The following SLC14A2 variants were observed in gnomAD, a reference collection of about 807,000 sequenced individuals.
The protein encoded by SLC14A2 is urea transporter 2.
In SLC14A2, 91 loss-of-function variants were observed where a neutral mutation model predicts 104.6. That is an observed-to-expected ratio of 0.87 (90% confidence interval 0.73 to 1.04). The LOEUF (loss-of-function observed/expected upper bound fraction) is 1.04. SLC14A2 is among the 50% of genes least tolerant of loss of function. The pLI is 0.00. For missense variants in SLC14A2, 1,189 were observed against 1,156.0 expected (o/e 1.03, Z -0.41); for synonymous variants, 476 against 466.4 (o/e 1.02, Z -0.27).
At chr18:45,402,371 A>G (rs2086105648) in intron 1 of SLC14A2, among the ~76,000 whole-genome samples, 1 of 152,252 alleles carries the variant, frequency 6.6e-6, no homozygotes, top group South Asian at 2.1e-4. Context: ...GTTTCATAAA[A>G]GAACACAAAA....
At chr18:45,435,472 C>T (rs139346396) in intron 1 of SLC14A2, 34 of 152,242 alleles carry the variant, frequency 2.2e-4, no homozygotes, top group African/African-American at 7.9e-4. Context: ...ATTATAATAT[C>T]ACACACACCA....
At chr18:45,264,729 C>T (rs917440396) in intron 1 of SLC14A2, among the ~76,000 whole-genome samples, 2 of 152,104 alleles carry the variant, frequency 1.3e-5, no homozygotes, top group African/African-American at 2.4e-5. Flanking sequence ...ATGGAGGAAA[C>T]GGCCTCCATG....
At chr18:45,447,404 C>T (rs114564671) in intron 1 of SLC14A2, 2 of 152,104 alleles carry the variant, frequency 1.3e-5, no homozygotes, top group Admixed American at 1.3e-4. Flanking sequence ...CAAAACAATT[C>T]AGTGCACTAC....
intron 1 of SLC14A2, among the ~76,000 whole-genome samples, chr18:45,390,129 A>T (rs1348864177): frequency 5.3e-5 from 8 of 152,228 alleles, no homozygotes. Flanking sequence ...GGGAATGCTT[A>T]TTCTGCCTGC....
At chr18:45,326,811 G>A (rs115916128) in intron 1 of SLC14A2, among the ~76,000 whole-genome samples, 1 of 152,194 alleles carries the variant, frequency 6.6e-6, no homozygotes, top group Non-Finnish European at 1.5e-5. Flanking sequence ...CTGTCCAGGA[G>A]TAGGAAGCCT....
intron 2 of SLC14A2, chr18:45,527,873 C>T (rs1568260427): frequency 6.6e-6 from 1 of 152,136 alleles, no homozygotes; most frequent in Non-Finnish European, 1.5e-5. Flanking sequence ...ATTCTTGTGA[C>T]CAAATCAACA....
At chr18:45,492,000 G>A (rs1399930085) in intron 2 of SLC14A2, 1 of 152,224 alleles carries the variant, frequency 6.6e-6, no homozygotes, top group African/African-American at 2.4e-5. Context: ...GGGCTAGGAT[G>A]GTGGCTCTGC....
intron 1 of SLC14A2, among the ~76,000 whole-genome samples, chr18:45,392,962 A>G (rs1404063078): frequency 6.6e-6 from 1 of 152,214 alleles, no homozygotes; most frequent in East Asian, 1.9e-4. Context: ...CATATTGTTT[A>G]ATGTCAGTTT....
chr18:45,363,093 G>A (rs1036450584), intron 1 of SLC14A2, among the ~76,000 whole-genome samples: 14 of 152,090 alleles, frequency 9.2e-5, no homozygotes, highest in Non-Finnish European at 1.6e-4. Flanking sequence ...AATCAAGAGC[G>A]TTGTATTTCC....
intron 1 of SLC14A2, among the ~76,000 whole-genome samples, chr18:45,444,508 A>T (rs554782840): frequency 2.3e-4 from 35 of 152,320 alleles, no homozygotes; most frequent in South Asian, 4.1e-4. Flanking sequence ...GAAGGGGGAA[A>T]ATAAAGAAGA....
chr18:45,632,505 C>G (rs375606979), intron 5 of SLC14A2, 27 bp downstream of exon 5: 2 of 1,610,612 alleles, frequency 1.2e-6, no homozygotes, highest in Non-Finnish European at 1.7e-6. Context: ...TTTCTGCTCA[C>G]AGCTCCATGG....
intron 1 of SLC14A2, among the ~76,000 whole-genome samples, chr18:45,437,042 C>A (rs1485965527): frequency 6.6e-6 from 1 of 152,216 alleles, no homozygotes; most frequent in East Asian, 1.9e-4. Flanking sequence ...AATAAGCGCT[C>A]TTCCCACTGC....
intron 1 of SLC14A2, among the ~76,000 whole-genome samples, chr18:45,271,355 T>C (rs929690414): frequency 1.3e-5 from 2 of 152,136 alleles, no homozygotes; most frequent in African/African-American, 4.8e-5. Flanking sequence ...AGCTAAAAGA[T>C]CATGTTAGCA....
At chr18:45,575,331 AGCTGGTGATGGAAGGGT>A (rs2044404559) in intron 2 of SLC14A2, among the ~76,000 whole-genome samples, 1 of 152,086 alleles carries the variant, frequency 6.6e-6, no homozygotes. Flanking sequence ...TCTCCCTTCT[AGCTGGTGATGGAAGGGT>A]CACTAAATCA....
chr18:45,510,921 T>C (rs75367755), intron 2 of SLC14A2, among the ~76,000 whole-genome samples: 7,011 of 152,236 alleles, frequency 0.046, 566 homozygotes, highest in African/African-American at 0.16. Flanking sequence ...CTCACACACA[T>C]GCACACCAAA....
At chr18:45,476,378 G>A (rs187197275) in intron 1 of SLC14A2, among the ~76,000 whole-genome samples, 174 of 152,256 alleles carry the variant, frequency 1.1e-3, no homozygotes, top group African/African-American at 4.0e-3. Context: ...TCTCTTTGTG[G>A]GTAACCCGAC....
intron 1 of SLC14A2, among the ~76,000 whole-genome samples, chr18:45,459,692 C>G (rs990454342): frequency 1.3e-5 from 2 of 152,222 alleles, no homozygotes; most frequent in African/African-American, 4.8e-5. Flanking sequence ...CTCCAGCCCC[C>G]TCCTGGCCTG....
At chr18:45,664,033 C>A (rs2045974233) in intron 11 of SLC14A2, 126 bp downstream of exon 11, 2 of 980,926 alleles carry the variant, frequency 2.0e-6, no homozygotes, top group African/African-American at 1.6e-5. Flanking sequence ...TGACCTCTCA[C>A]ACCTGACGTC....
At chr18:45,196,971 C>T in the SLC14A2 span, among the ~76,000 whole-genome samples, 1 of 152,338 alleles carries the variant, frequency 6.6e-6, no homozygotes, top group African/African-American at 2.4e-5. Flanking sequence ...ATGGGGAAGA[C>T]ATCTCTAAGG....
Sources: allele counts gnomAD v4.1 joint callset (sites outside exome capture counted in the v4.1 genomes callset), GRCh38; gene constraint gnomAD v4.1.1; transcripts MANE v1.5; gene names NCBI Gene and HGNC (gene_info 2026-07-23, HGNC 2026-07-21).